Variants in PDCD6IP observed in about 807,000 individuals in gnomAD.
The protein encoded by PDCD6IP is programmed cell death 6-interacting protein.
A neutral mutation model predicts 103.7 loss-of-function variants in PDCD6IP; 43 were observed. The observed-to-expected ratio is 0.41, with a 90% CI of 0.32 to 0.53. The LOEUF (loss-of-function observed/expected upper bound fraction) is 0.53, where lower values mean the gene tolerates loss of function less well. PDCD6IP is among the 20% of genes least tolerant of loss of function. The probability of loss-of-function intolerance (pLI) is 0.16; values close to 1 mark genes in which losing one functional copy is unlikely to be tolerated. For missense variants in PDCD6IP, 871 were observed against 1,036.7 expected, an observed-to-expected ratio of 0.84 and a Z score of 2.20; for synonymous variants, 354 against 378.7, an observed-to-expected ratio of 0.93 and a Z score of 0.76.
intron 2 of PDCD6IP, chr3:33,813,352 G>T: frequency 2.2e-6 from 1 of 451,884 alleles, no homozygotes. Flanking sequence ...AAGGCAGAAT[G>T]ACCATTTGAA....
intron 3 of PDCD6IP, among the ~76,000 whole-genome samples, chr3:33,820,568 C>T (rs1049689345): frequency 6.6e-6 from 1 of 152,156 alleles, no homozygotes; most frequent in Non-Finnish European, 1.5e-5. Flanking sequence ...TCCCCCTCCC[C>T]CTACCACCAT....
chr3:33,843,865 T>G (rs2125567557), intron 10 of PDCD6IP, among the ~76,000 whole-genome samples: 1 of 146,606 alleles, frequency 6.8e-6, no homozygotes, highest in Admixed American at 7.1e-5. Flanking sequence ...AATAGTCTCT[T>G]ATTTATTCCT....
chr3:33,844,549 C>T (rs1389683248), intron 11 of PDCD6IP, among the ~76,000 whole-genome samples: 1 of 152,100 alleles, frequency 6.6e-6, no homozygotes, highest in Non-Finnish European at 1.5e-5. Context: ...GGCAGGATCA[C>T]AGCTCGCTGC....
At chr3:33,859,970 G>T (rs147444109) in intron 15 of PDCD6IP, among the ~76,000 whole-genome samples, 1,705 of 152,274 alleles carry the variant, frequency 0.011, 24 homozygotes, top group African/African-American at 0.039. Context: ...GTGAAATGCT[G>T]TGCAGCTATT....
chr3:33,833,267 G>A (rs1697279197), intron 7 of PDCD6IP, among the ~76,000 whole-genome samples: 1 of 151,958 alleles, frequency 6.6e-6, no homozygotes, highest in South Asian at 2.1e-4. Context: ...TCCACATCTA[G>A]TTTAGTTTTC....
chr3:33,852,409 T>G, intron 12 of PDCD6IP, 79 bp from the exon 13 acceptor site: 1 of 1,468,516 alleles, frequency 6.8e-7, no homozygotes. Flanking sequence ...GAATGAACCT[T>G]TATATATTAT....
chr3:33,859,746 T>C (rs1183603284), intron 15 of PDCD6IP, among the ~76,000 whole-genome samples: 1 of 152,180 alleles, frequency 6.6e-6, no homozygotes, highest in African/African-American at 2.4e-5. Flanking sequence ...GTGCAATCCT[T>C]GTGTTGGGCA....
At chr3:33,839,614 TAA>T (rs978987262) in intron 9 of PDCD6IP, among the ~76,000 whole-genome samples, 1 of 152,234 alleles carries the variant, frequency 6.6e-6, no homozygotes, top group African/African-American at 2.4e-5. Flanking sequence ...TTCTCTTGGG[TAA>T]ATACTTAGGA....
At chr3:33,844,034 G>A (rs1179560525) in intron 10 of PDCD6IP, 78 bp from the exon 11 acceptor site, 5 of 867,640 alleles carry the variant, frequency 5.8e-6, no homozygotes, top group Middle Eastern at 2.2e-4. Context: ...CTTATATTGT[G>A]TATGAACATT....
intron 6 of PDCD6IP, 132 bp downstream of exon 6, chr3:33,826,712 G>T: frequency 3.1e-6 from 4 of 1,302,204 alleles, no homozygotes; most frequent in Non-Finnish European, 3.0e-6. Context: ...GTATATAGTA[G>T]AAATAGTTTT....
chr3:33,862,242 GTT>G (rs553813937), intron 15 of PDCD6IP, among the ~76,000 whole-genome samples: 2 of 141,404 alleles, frequency 1.4e-5, no homozygotes. Flanking sequence ...AAGTAGTTTT[GTT>G]TTTTTTTTTT....
At chr3:33,802,385 A>G (rs952231287) in intron 1 of PDCD6IP, among the ~76,000 whole-genome samples, 1 of 152,222 alleles carries the variant, frequency 6.6e-6, no homozygotes, top group Non-Finnish European at 1.5e-5. Context: ...AATAAGGAAT[A>G]GGATAGACTG....
At chr3:33,802,656 A>T (rs1696503028) in intron 1 of PDCD6IP, among the ~76,000 whole-genome samples, 1 of 151,794 alleles carries the variant, frequency 6.6e-6, no homozygotes, top group African/African-American at 2.4e-5. Flanking sequence ...CTGCCTGGCT[A>T]ATTTTGTATT....
At position 33,866,647 on chromosome 3, in the gene PDCD6IP, TA is replaced by T; in HGVS notation, c.*123del. 2 of 707,090 alleles carry T rather than the reference TA, an allele frequency of 2.8e-6. No individual in the cohort carries two copies. The highest frequency in any genetic ancestry group is 2.1e-6 in the Non-Finnish European group (1 of 470,824). The allele number at this position is 707,090 out of a possible 1,614,324, so 43.8% of individuals were successfully genotyped here. A position where few individuals can be genotyped will look rare whatever the true frequency, so the allele number is the denominator to read the frequency against. On this transcript the variant is annotated 3_prime_UTR_variant, in exon 18 of 18. Transcript: ENST00000307296. ...GTACTCTCCTGGACTGAATGCAGTGTATAATTTCTGTCTACAGCTAGAAGCT... is the reference window on the plus strand; with the variant it reads ...GTACTCTCCTGGACTGAATGCAGTGTTAATTTCTGTCTACAGCTAGAAGCT...
intron 4 of PDCD6IP, among the ~76,000 whole-genome samples, 172 bp from the exon 5 acceptor site, chr3:33,825,015 A>C (rs1300726566): frequency 6.6e-6 from 1 of 152,232 alleles, no homozygotes; most frequent in African/African-American, 2.4e-5. Context: ...GAGTTTTAGA[A>C]AGATAACCTT....
chr3:33,844,757 A>G (rs116676732), intron 11 of PDCD6IP, among the ~76,000 whole-genome samples: 2,484 of 152,326 alleles, frequency 0.016, 30 homozygotes, highest in Non-Finnish European at 0.028. Flanking sequence ...ATGAGATTAC[A>G]GGCTTGAACC....
At chr3:33,828,779 T>A (rs1697184518) in intron 6 of PDCD6IP, 74 bp from the exon 7 acceptor site, 3 of 1,560,428 alleles carry the variant, frequency 1.9e-6, no homozygotes, top group Non-Finnish European at 2.6e-6. Context: ...TTTTCCTTTT[T>A]CTTCCTGCAT....
At chr3:33,804,282 A>C (rs367650078) in intron 1 of PDCD6IP, among the ~76,000 whole-genome samples, 18 of 152,352 alleles carry the variant, frequency 1.2e-4, no homozygotes, top group Non-Finnish European at 8.8e-5. Flanking sequence ...AGGAGGGGCC[A>C]GTCTCCTCCC....
rs1166187285 is a variant in PDCD6IP, at chr3:33,868,196, A to G, written c.*1671A>G. On this transcript the variant is annotated 3_prime_UTR_variant, in exon 18 of 18. Coordinates refer to ENST00000307296, the MANE Select transcript of PDCD6IP (RefSeq NM_013374.6). ...TGTTTGACTTCTGTAAGTGGCATTT[A>G]AGTTCCACATTCTTATTACTTGAGG... 1 of 152,226 alleles carries G rather than the reference A, an allele frequency of 6.6e-6. No individual in the cohort carries two copies. Among genetic ancestry groups the G allele is most frequent in the Non-Finnish European group, 1.5e-5 (1 of 68,044 alleles). The allele number at this position is 152,226 out of a possible 1,614,324, so 9.4% of individuals were successfully genotyped here.
Sources: gnomAD v4.1 joint callset for allele counts (sites outside exome capture counted in the v4.1 genomes callset) on GRCh38, gnomAD v4.1.1 for gene constraint, MANE v1.5 for transcripts, NCBI Gene and HGNC (gene_info 2026-07-23, HGNC 2026-07-21) for gene names.